SLC30A7: variants seen among roughly 807,000 people sequenced by gnomAD.
SLC30A7 encodes solute carrier family 30 member 7.
A neutral mutation model predicts 46.0 loss-of-function variants in SLC30A7; 35 were observed. That is an observed-to-expected ratio of 0.76 (90% CI 0.58 to 1.01). The LOEUF is 1.01. Among genes scored for constraint, SLC30A7 ranks in the 50% least tolerant of loss-of-function variants. The pLI is 0.00. For missense variants in SLC30A7, 464 were observed against 451.1 expected (o/e 1.03, Z -0.26); for synonymous variants, 147 against 157.8 (o/e 0.93, Z 0.51).
chr1:100,942,357 A>C (rs769230454), intron 8 of SLC30A7, among the ~76,000 whole-genome samples: 1 of 152,218 alleles, frequency 6.6e-6, no homozygotes, highest in Non-Finnish European at 1.5e-5. Context: ...ATAAAAGAAC[A>C]TATCTGTAAA....
chr1:100,910,917 A>AAATGC, intron 3 of SLC30A7, 146 bp from the exon 4 acceptor site: 2 of 518,906 alleles, frequency 3.9e-6, no homozygotes, highest in Non-Finnish European at 6.7e-6. Context: ...ATATAAAATA[A>AAATGC]AATGCACTGT....
intron 10 of SLC30A7, among the ~76,000 whole-genome samples, chr1:100,973,735 T>G (rs1197908469): frequency 1.3e-5 from 2 of 152,106 alleles, no homozygotes; most frequent in Non-Finnish European, 2.9e-5. Flanking sequence ...CAGAGAAGAC[T>G]GAGAAAGACT....
chr1:100,975,412 G>A lies in SLC30A7; in HGVS notation c.*555G>A, dbSNP rs1337329522. ...TATAATCATGTTTGTTAAATTGTTT[G>A]TACCTTGCAAACTTATGAACCAAAC... is the stretch of plus-strand genomic sequence containing the variant. On this transcript the variant is annotated 3_prime_UTR_variant, in exon 11 of 11. Coordinates refer to ENST00000357650, the MANE Select transcript of SLC30A7 (RefSeq NM_133496.5). 1 of 152,596 alleles carries A rather than the reference G, an allele frequency of 6.6e-6. No individual in the cohort carries two copies. Among genetic ancestry groups the A allele is most frequent in the Non-Finnish European group, 1.5e-5 (1 of 68,054 alleles). The allele number at this position is 152,596 out of a possible 1,614,324, so 9.5% of individuals were successfully genotyped here.
chr1:100,935,576 A>C (rs747699773), intron 8 of SLC30A7, among the ~76,000 whole-genome samples: 1 of 152,288 alleles, frequency 6.6e-6, no homozygotes, highest in East Asian at 1.9e-4. Context: ...TTTCTTAACT[A>C]TCATAGTGAG....
At chr1:100,951,019 CAG>C (rs1286245253) in intron 8 of SLC30A7, among the ~76,000 whole-genome samples, 1 of 152,172 alleles carries the variant, frequency 6.6e-6, no homozygotes, top group East Asian at 1.9e-4. Flanking sequence ...AGTCATGTTT[CAG>C]AGTTATCCCA....
chr1:100,949,840 T>G (rs1160346928), intron 8 of SLC30A7, among the ~76,000 whole-genome samples: 1 of 152,260 alleles, frequency 6.6e-6, no homozygotes. Context: ...GAGAATCTCC[T>G]GGTCTGCCGG....
At chr1:100,992,630 T>G in the SLC30A7 span, 1 of 1,610,844 alleles carries the variant, frequency 6.2e-7, no homozygotes, top group Admixed American at 1.7e-5. Context: ...TCTAGTGTCT[T>G]GAGTACCTGG....
At position 100,896,635 on chromosome 1, in the gene SLC30A7, C is replaced by A. The variant is rs1386711576; in HGVS notation, c.146C>A (p.Ala49Asp). The A allele has an allele frequency of 6.2e-7, 1 of 1,614,120 alleles. No homozygotes were observed. Among genetic ancestry groups the A allele is most frequent in the Non-Finnish European group, 8.5e-7 (1 of 1,180,012 alleles). ...TTCCTGTGCCTGAACCTCTCTTTCG[C>A]TTTTGTGGAACTACTCTACGGCATC... is the stretch of plus-strand genomic sequence containing the variant. ...FFFLCLNLSF[A>D]FVELLYGIWS... The change falls in exon 2 of 11, where the codon GCT becomes GAT. Residue 49 changes from alanine to aspartate, a missense_variant. Coordinates refer to ENST00000357650, the MANE Select transcript of SLC30A7 (RefSeq NM_133496.5).
At chr1:100,918,765 A>G (rs1486630415) in intron 7 of SLC30A7, among the ~76,000 whole-genome samples, 7 of 152,216 alleles carry the variant, frequency 4.6e-5, no homozygotes, top group African/African-American at 1.7e-4. Context: ...TATTTAATAC[A>G]GTCCACTGTA....
intron 10 of SLC30A7, among the ~76,000 whole-genome samples, chr1:100,967,831 A>G (rs1183160132): frequency 2.6e-5 from 4 of 152,270 alleles, no homozygotes; most frequent in Non-Finnish European, 5.9e-5. Flanking sequence ...TGGACTGGGG[A>G]AAAAAAGCAA....
At chr1:100,937,559 C>T (rs34960901) in intron 8 of SLC30A7, among the ~76,000 whole-genome samples, 17,330 of 151,920 alleles carry the variant, frequency 0.11, 1,055 homozygotes, top group Middle Eastern at 0.22. Context: ...TTTGCATTTC[C>T]CTAATGATTA....
At chr1:100,925,028 A>G (rs1345787761) in intron 8 of SLC30A7, among the ~76,000 whole-genome samples, 1 of 152,262 alleles carries the variant, frequency 6.6e-6, no homozygotes, top group Non-Finnish European at 1.5e-5. Context: ...CAAATGCCAA[A>G]TAGTTATTTG....
At position 100,896,198 on chromosome 1, in the gene SLC30A7, C is replaced by G; in HGVS notation, c.-65C>G. 1 of 1,447,150 alleles carries G rather than the reference C, an allele frequency of 6.9e-7. No homozygotes were observed. The highest frequency in any genetic ancestry group is 9.7e-7 in the Non-Finnish European group (1 of 1,029,160). 89.6% of individuals were successfully genotyped at this position (1,447,150 alleles called of 1,614,324 possible). ...CCCGTTTGAGGCGTCACTACTGTCACTGCCATCACCCCACGGAGCCACTTC... is the reference window on the plus strand; with the variant it reads ...CCCGTTTGAGGCGTCACTACTGTCAGTGCCATCACCCCACGGAGCCACTTC... On this transcript the variant is annotated 5_prime_UTR_variant, in exon 1 of 11. Transcript: ENST00000357650.
chr1:100,932,325 G>A (rs1300864032), intron 8 of SLC30A7, among the ~76,000 whole-genome samples: 1 of 152,126 alleles, frequency 6.6e-6, no homozygotes, highest in Non-Finnish European at 1.5e-5. Flanking sequence ...TGAGGCAGGA[G>A]AATCGCTTGA....
chr1:100,991,788 C>CAGAAAAAAAAA, the SLC30A7 span, among the ~76,000 whole-genome samples: 1 of 101,066 alleles, frequency 9.9e-6, no homozygotes, highest in Non-Finnish European at 2.0e-5. Context: ...GACCCCATCT[C>CAGAAAAAAAAA]AAAAAAAAAA....
At chr1:100,994,848 C>T in the SLC30A7 span, among the ~76,000 whole-genome samples, 7 of 152,270 alleles carry the variant, frequency 4.6e-5, no homozygotes, top group East Asian at 1.2e-3. Context: ...TTTTCAGAAT[C>T]CCAACGCATT....
At chr1:100,949,561 A>G (rs1340847046) in intron 8 of SLC30A7, among the ~76,000 whole-genome samples, 1 of 152,186 alleles carries the variant, frequency 6.6e-6, no homozygotes, top group East Asian at 1.9e-4. Flanking sequence ...TCAGACAGGG[A>G]CGTTTAAGTC....
At position 100,939,798 on chromosome 1, in the gene SLC30A7, G is replaced by C. The variant is rs1301827651; in HGVS notation, c.842+17957G>C. On this transcript the variant is annotated intron_variant, in intron 8 of 10. Transcript: ENST00000357650. Reference sequence around the variant, plus strand: ...CAGGAGGTGGAGCTTGCAGTGAGCTGAGATCGTGCCACTGCACTCCAGCCT... The same window carrying C: ...CAGGAGGTGGAGCTTGCAGTGAGCTCAGATCGTGCCACTGCACTCCAGCCT... 2.0e-5 allele frequency among the ~76,000 whole-genome samples: 3 copies of C among 151,446 alleles called. No homozygotes were observed. In the East Asian group the frequency reaches 5.8e-4, roughly 29 times the overall value.
At chr1:100,925,736 G>A (rs981293753) in intron 8 of SLC30A7, among the ~76,000 whole-genome samples, 3 of 152,160 alleles carry the variant, frequency 2.0e-5, no homozygotes, top group Non-Finnish European at 2.9e-5. Context: ...AAAGAGGACT[G>A]TAGATAAAAA....
Sources: allele counts gnomAD v4.1 joint callset (sites outside exome capture counted in the v4.1 genomes callset), GRCh38; gene constraint gnomAD v4.1.1; transcripts MANE v1.5; gene names NCBI Gene and HGNC (gene_info 2026-07-23, HGNC 2026-07-21).